The following DGKI variants were observed in gnomAD, a reference collection of about 807,000 sequenced individuals.
DGKI encodes diacylglycerol kinase iota, also known as DAG kinase iota.
In DGKI, 55 loss-of-function variants were observed where a neutral mutation model predicts 147.5. That is an observed-to-expected ratio of 0.37 (90% confidence interval 0.30 to 0.47). The LOEUF is 0.47. DGKI is among the 20% of genes least tolerant of loss of function. DGKI has a pLI of 1.00. For missense variants in DGKI, 1,007 were observed against 1,323.8 expected (o/e 0.76, Z 3.71); for synonymous variants, 469 against 477.1 (o/e 0.98, Z 0.22).
chr7:137,526,479 C>T (rs191103432), intron 20 of DGKI, among the ~76,000 whole-genome samples: 10 of 151,518 alleles, frequency 6.6e-5, no homozygotes, highest in African/African-American at 2.2e-4. Context: ...AATGGAAGTT[C>T]GTGGCTCTGG....
At chr7:137,652,753 T>G (rs1337891605) in intron 5 of DGKI, among the ~76,000 whole-genome samples, 1 of 152,230 alleles carries the variant, frequency 6.6e-6, no homozygotes, top group Non-Finnish European at 1.5e-5. Context: ...GTTCTCCCAA[T>G]CCTTTTGCAT....
chr7:137,407,426 A>G (rs1811997784), intron 30 of DGKI, among the ~76,000 whole-genome samples: 1 of 152,086 alleles, frequency 6.6e-6, no homozygotes, highest in African/African-American at 2.4e-5. Flanking sequence ...GATAAATGAG[A>G]TCAAACAGAA....
intron 1 of DGKI, among the ~76,000 whole-genome samples, chr7:137,711,383 T>C (rs911456461): frequency 6.6e-6 from 1 of 152,124 alleles, no homozygotes; most frequent in Non-Finnish European, 1.5e-5. Context: ...TACATTGCAA[T>C]ATAGTCATAC....
intron 1 of DGKI, among the ~76,000 whole-genome samples, chr7:137,773,472 G>A (rs536325569): frequency 1.6e-4 from 25 of 152,254 alleles, no homozygotes; most frequent in African/African-American, 4.6e-4. Flanking sequence ...TGACTCTGAG[G>A]GACCCTCTTC....
intron 10 of DGKI, among the ~76,000 whole-genome samples, chr7:137,603,826 C>T (rs935590210): frequency 6.6e-5 from 10 of 152,224 alleles, no homozygotes. Context: ...AAGCTACATT[C>T]TGTTCACTTT....
chr7:137,597,954 G>T (rs773597295), intron 11 of DGKI, 47 bp from the exon 12 acceptor site: 3 of 1,559,366 alleles, frequency 1.9e-6, no homozygotes. Flanking sequence ...CATTTCACTG[G>T]CTAGAGCAGA....
At chr7:137,439,730 C>A (rs1247850524) in intron 28 of DGKI, among the ~76,000 whole-genome samples, 1 of 152,168 alleles carries the variant, frequency 6.6e-6, no homozygotes, top group Admixed American at 6.5e-5. Flanking sequence ...GTGGTTGTGA[C>A]AATTTTATTT....
At chr7:137,733,858 G>A (rs2116675484) in intron 1 of DGKI, among the ~76,000 whole-genome samples, 1 of 152,166 alleles carries the variant, frequency 6.6e-6, no homozygotes, top group African/African-American at 2.4e-5. Flanking sequence ...TAAGGTAGTG[G>A]TCACTTGTAT....
intron 1 of DGKI, among the ~76,000 whole-genome samples, chr7:137,732,320 G>T (rs762487431): frequency 6.6e-6 from 1 of 152,024 alleles, no homozygotes; most frequent in Non-Finnish European, 1.5e-5. Flanking sequence ...TAATACTGGG[G>T]TGTTTTCAAC....
intron 1 of DGKI, chr7:137,772,235 G>C (rs1796224685): frequency 6.6e-6 from 1 of 152,010 alleles, no homozygotes; most frequent in Non-Finnish European, 1.5e-5. Context: ...AAAACAAAAG[G>C]CTGAATAAAA....
intron 19 of DGKI, among the ~76,000 whole-genome samples, chr7:137,570,159 C>T (rs886556564): frequency 1.3e-5 from 2 of 152,106 alleles, no homozygotes; most frequent in Non-Finnish European, 2.9e-5. Context: ...CATGTGCCAA[C>T]CAAAGGTGAC....
At chr7:137,800,020 A>G (rs561601552) in intron 1 of DGKI, among the ~76,000 whole-genome samples, 10 of 152,300 alleles carry the variant, frequency 6.6e-5, no homozygotes, top group African/African-American at 2.4e-4. Context: ...AGCAAATACC[A>G]GGGGTGGCAG....
intron 11 of DGKI, among the ~76,000 whole-genome samples, chr7:137,598,896 G>C (rs1819889637): frequency 6.6e-6 from 1 of 151,986 alleles, no homozygotes; most frequent in Admixed American, 6.6e-5. Flanking sequence ...GGGACAGAGA[G>C]AGGAAGAATC....
At chr7:137,804,654 C>T (rs569132484) in intron 1 of DGKI, among the ~76,000 whole-genome samples, 3 of 152,210 alleles carry the variant, frequency 2.0e-5, no homozygotes, top group African/African-American at 4.8e-5. Context: ...GCACTCCTCT[C>T]GATAACAAGC....
intron 28 of DGKI, among the ~76,000 whole-genome samples, chr7:137,427,754 C>A (rs538366958): frequency 3.0e-3 from 451 of 152,272 alleles, no homozygotes; most frequent in African/African-American, 0.01. Context: ...AAACTACCAT[C>A]AGAGAATACT....
chr7:137,807,140 T>C (rs904499618), intron 1 of DGKI, among the ~76,000 whole-genome samples: 3 of 152,260 alleles, frequency 2.0e-5, no homozygotes, highest in African/African-American at 2.4e-5. Flanking sequence ...CACAAGTCTA[T>C]CTGTGAAGAC....
chr7:137,731,039 G>T (rs1012764155), intron 1 of DGKI, among the ~76,000 whole-genome samples: 1 of 152,010 alleles, frequency 6.6e-6, no homozygotes, highest in African/African-American at 2.4e-5. Context: ...TTCCGCCTCA[G>T]CCACAATGGC....
rs1364794478 is a variant in DGKI, at chr7:137,644,244, T to C, written c.804+1228A>G. Among the ~76,000 whole-genome samples the C allele has an allele frequency of 2.6e-5, 4 of 152,328 alleles. No homozygotes were observed. In the East Asian group the frequency reaches 5.8e-4, roughly 22 times the overall value. On this transcript the variant is annotated intron_variant, in intron 6 of 32. Transcript: ENST00000614521. ...CCCTTCGGCCTTGTTTACTTTGTTT[T>C]ATTTCACCCTGCTTTCACCCTGTTT...
chr7:137,638,510 ATG>A (rs1405753452), intron 6 of DGKI, among the ~76,000 whole-genome samples: 2,334 of 116,454 alleles, frequency 0.02, 293 homozygotes, highest in African/African-American at 0.081. Flanking sequence ...ATGTATATAT[ATG>A]TGTGTATATA....
Sources: gnomAD v4.1 joint callset for allele counts (sites outside exome capture counted in the v4.1 genomes callset) on GRCh38, gnomAD v4.1.1 for gene constraint, MANE v1.5 for transcripts, NCBI Gene and HGNC (gene_info 2026-07-23, HGNC 2026-07-21) for gene names.